CENPE: variants seen among roughly 807,000 people sequenced by gnomAD.
CENPE encodes centromere protein E.
In CENPE, 145 loss-of-function variants were observed where a neutral mutation model predicts 336.1. The ratio of observed to expected loss-of-function variants is 0.43; its 90% CI spans 0.38 to 0.50. The LOEUF (loss-of-function observed/expected upper bound fraction) is 0.50. Ranked by LOEUF, CENPE falls within the 20% of genes least tolerant of loss-of-function variation. The pLI, the probability that CENPE is intolerant of heterozygous loss-of-function variation, is 0.00. For synonymous variants in CENPE, 1,013 were observed against 984.8 expected (o/e 1.03, Z -0.54); for missense variants, 2,719 against 3,023.3 (o/e 0.90, Z 2.36).
Position 103,147,464 on chromosome 4 carries a change from T to C in CENPE, c.4026A>G (p.Glu1342=), listed in dbSNP as rs1753151561. 1 of 1,614,014 alleles carries C rather than the reference T, an allele frequency of 6.2e-7. No individual in the cohort carries two copies. The highest frequency in any genetic ancestry group is 1.1e-5 in the South Asian group (1 of 91,092). ...RLNEKFQESQ[E]EIKSLTKERD... ...TTTCCTTGGTTAGAGATTTTATCTC[T>C]TCCTGACTTTCTTGAAATTTTTCAT... Residue 1342 remains glutamate (E), a synonymous_variant, in exon 29 of 49, where the codon GAA becomes GAG. Coordinates refer to ENST00000265148, the MANE Select transcript of CENPE (RefSeq NM_001813.3).
intron 45 of CENPE, chr4:103,116,276 A>ACACACACACACACT (rs949046550): frequency 2.9e-5 from 5 of 174,008 alleles, no homozygotes; most frequent in African/African-American, 9.6e-5. Flanking sequence ...ACACACACAC[A>ACACACACACACACT]CTCTTAATGT....
chr4:103,128,319 T>A (rs1416297639), intron 42 of CENPE, among the ~76,000 whole-genome samples: 1 of 152,148 alleles, frequency 6.6e-6, no homozygotes, highest in Non-Finnish European at 1.5e-5. Context: ...TTTATTATAG[T>A]TGGAGACTTC....
chr4:103,111,737 C>T (rs1749449329), intron 46 of CENPE, among the ~76,000 whole-genome samples: 1 of 151,894 alleles, frequency 6.6e-6, no homozygotes, highest in Non-Finnish European at 1.5e-5. Flanking sequence ...AAAGAATCCT[C>T]ACTTCTATTT....
intron 47 of CENPE, among the ~76,000 whole-genome samples, chr4:103,109,419 C>A (rs1328513372): frequency 6.6e-6 from 1 of 152,066 alleles, no homozygotes. Flanking sequence ...GATGCTTTGC[C>A]ACAATAATTT....
chr4:103,171,361 T>C (rs949155165), intron 16 of CENPE, among the ~76,000 whole-genome samples: 5 of 151,998 alleles, frequency 3.3e-5, no homozygotes, highest in Non-Finnish European at 5.9e-5. Context: ...AAATTAATAA[T>C]AGCAGAAATT....
At position 103,145,634 on chromosome 4, in the gene CENPE, T is replaced by C. The variant is rs1276714820; in HGVS notation, c.4461A>G (p.Lys1487=). Reference sequence around the variant, plus strand: ...ACTCATTAATAGTTTCCTCTTGTTCTTTCAGGCAACAATGAGCAACTTTAA... The same window carrying C: ...ACTCATTAATAGTTTCCTCTTGTTCCTTCAGGCAACAATGAGCAACTTTAA... ...EELKVAHCCL[K]EQEETINELR... The change falls in exon 31 of 49, where the codon AAA becomes AAG. Residue 1487 remains lysine (K), a synonymous_variant. Coordinates refer to ENST00000265148, the MANE Select transcript of CENPE (RefSeq NM_001813.3). 1 of 1,607,960 alleles carries C rather than the reference T, an allele frequency of 6.2e-7. No individual in the cohort carries two copies. The highest frequency in any genetic ancestry group is 1.1e-5 in the South Asian group (1 of 88,842).
chr4:103,179,497 G>A (rs563619056), intron 13 of CENPE, among the ~76,000 whole-genome samples: 6 of 152,286 alleles, frequency 3.9e-5, no homozygotes, highest in African/African-American at 1.4e-4. Context: ...GCTACTTCCT[G>A]CTCACCACTC....
chr4:103,190,833 A>G (rs543484046), intron 8 of CENPE, among the ~76,000 whole-genome samples: 33 of 152,294 alleles, frequency 2.2e-4, no homozygotes, highest in African/African-American at 7.7e-4. Flanking sequence ...ACAGCAAAAG[A>G]AACTACCATC....
Position 103,112,491 on chromosome 4 carries a change from T to C in CENPE, c.7541-1480A>G, listed in dbSNP as rs1560587508. Among the ~76,000 whole-genome samples the C allele has an allele frequency of 3.4e-5, 5 of 144,962 alleles. No individual in the cohort carries two copies. In the East Asian group the frequency reaches 1.0e-3, roughly 29 times the overall value. On this transcript the variant is annotated intron_variant, in intron 46 of 48. Coordinates refer to ENST00000265148, the MANE Select transcript of CENPE (RefSeq NM_001813.3). ...CATATATACTTATATATACTAAGTATACTTATGTATACATGTATATATACA... is the reference window on the plus strand; with the variant it reads ...CATATATACTTATATATACTAAGTACACTTATGTATACATGTATATATACA...
chr4:103,146,043 G>A lies in CENPE; in HGVS notation c.4199C>T (p.Thr1400Ile). ...LNMKEKDNET[T>I]KIVSEMEQFK... ...TTGCTCCATCTCACTCACGATTTTG[G>A]TAGTTTCATTGTCTTTTTCTTTCAT... The change falls in exon 30 of 49, where the codon ACC becomes ATC. Residue 1400 changes from threonine to isoleucine, a missense_variant. Physicochemically the swap from Thr to Ile is moderately conservative, Grantham distance 89. Around this residue, in one of 5 missense-constraint regions of CENPE, gnomAD observed 2,437 missense variants for 2,513.3 expected, o/e 0.97. Transcript: ENST00000265148. 1 of 1,613,786 alleles carries A rather than the reference G, an allele frequency of 6.2e-7. No homozygotes were observed. The highest frequency in any genetic ancestry group is 1.1e-5 in the South Asian group (1 of 91,074).
At chr4:103,130,719 T>C (rs956519639) in intron 42 of CENPE, among the ~76,000 whole-genome samples, 3 of 152,026 alleles carry the variant, frequency 2.0e-5, no homozygotes, top group African/African-American at 4.8e-5. Context: ...AAGAACGACG[T>C]CAGAGAACTG....
At chr4:103,173,257 G>A (rs1190158215) in intron 16 of CENPE, among the ~76,000 whole-genome samples, 1 of 151,956 alleles carries the variant, frequency 6.6e-6, no homozygotes, top group Non-Finnish European at 1.5e-5. Context: ...TTGGGGAAAG[G>A]ATAGTCTTTC....
chr4:103,192,944 G>A (rs550997327), intron 8 of CENPE, among the ~76,000 whole-genome samples: 2 of 151,150 alleles, frequency 1.3e-5, no homozygotes, highest in African/African-American at 4.9e-5. Context: ...TTTTTAGGAG[G>A]GTAGGGAAAA....
intron 40 of CENPE, 115 bp from the exon 41 acceptor site, chr4:103,134,007 C>A (rs1751845239): frequency 1.4e-6 from 1 of 697,620 alleles, no homozygotes; most frequent in Non-Finnish European, 2.5e-6. Flanking sequence ...TATATCCTCT[C>A]ACAAGTGAGG....
rs1214750339 is a variant in CENPE, at chr4:103,138,386, T to C, written c.6268A>G (p.Thr2090Ala). 6.2e-7 allele frequency: 1 copy of C among 1,613,484 alleles called. No individual in the cohort carries two copies. Among genetic ancestry groups the C allele is most frequent in the Admixed American group, 1.7e-5 (1 of 60,014 alleles). ...RLLSDGQQHLTESLREKCSRI... is the reference protein window; with the variant it reads ...RLLSDGQQHLAESLREKCSRI... ...GAGCACTTTTCTCTCAGGCTTTCCG[T>C]AAGGTGCTGTTGTCCATCACTTAGT... The change falls in exon 39 of 49, where the codon ACG becomes GCG. Residue 2090 changes from threonine to alanine, a missense_variant. Transcript: ENST00000265148.
chr4:103,110,221 C>T (rs1749270466), intron 47 of CENPE, among the ~76,000 whole-genome samples: 1 of 152,090 alleles, frequency 6.6e-6, no homozygotes, highest in Non-Finnish European at 1.5e-5. Context: ...ACGAGGTATG[C>T]CTGTTTGTTG....
intron 9 of CENPE, 117 bp from the exon 10 acceptor site, chr4:103,183,405 G>T: frequency 1.4e-6 from 1 of 709,516 alleles, no homozygotes; most frequent in Non-Finnish European, 2.3e-6. Context: ...CTATGCTCTG[G>T]TTTAGACATG....
chr4:103,112,785 T>C (rs1221165357), intron 46 of CENPE, among the ~76,000 whole-genome samples: 3 of 70,350 alleles, frequency 4.3e-5, no homozygotes, highest in African/African-American at 2.0e-4. Flanking sequence ...TATAAGTGTA[T>C]ATATATACTT....
chr4:103,130,226 A>C (rs1390006698), intron 42 of CENPE, among the ~76,000 whole-genome samples: 1 of 152,044 alleles, frequency 6.6e-6, no homozygotes, highest in Non-Finnish European at 1.5e-5. Flanking sequence ...ATAAAACAAA[A>C]CTCTCTTTGT....
Sources: allele counts gnomAD v4.1 joint callset (sites outside exome capture counted in the v4.1 genomes callset), GRCh38; gene constraint gnomAD v4.1.1; regional missense constraint gnomAD v4.1.1; transcripts MANE v1.5; gene names NCBI Gene and HGNC (gene_info 2026-07-23, HGNC 2026-07-21).